MUC4: variants seen among roughly 807,000 people sequenced by gnomAD.
MUC4 encodes the protein mucin-4.
MUC4 carries 202 observed loss-of-function variants against 257.9 expected under a neutral mutation model. That is an observed-to-expected ratio of 0.78 (90% CI 0.70 to 0.88). MUC4 has a LOEUF of 0.88. Ranked by LOEUF, MUC4 falls within the 40% of genes least tolerant of loss-of-function variation. The pLI is 0.00. For synonymous variants in MUC4, 2,351 were observed against 2,757.1 expected (o/e 0.85, Z 4.62); for missense variants, 5,976 against 6,513.7 (o/e 0.92, Z 2.84).
At position 195,789,260 on chromosome 3, in the gene MUC4, G is replaced by C. The variant is rs773746923; in HGVS notation, c.2320C>G (p.His774Asp). ...PDTAAAMTHT[H>D]QAESTEASGQ... is the part of the protein sequence containing the mutation. ...GAGGCCTCTGTGCTCTCAGCCTGGT[G>C]GGTATGGGTCATGGCTGCTGCTGTG... Residue 774 changes from histidine (H) to aspartate (D), a missense_variant, in exon 2 of 25, where the codon CAC becomes GAC. This residue lies in a region of MUC4 where 1,583 missense variants were observed against 1,257.4 expected (regional missense o/e 1.26). Coordinates refer to ENST00000463781, the MANE Select transcript of MUC4 (RefSeq NM_018406.7). 49 of 1,613,920 alleles carry C rather than the reference G, an allele frequency of 3.0e-5. 1 individual carries two copies. The Admixed American group carries it at 8.0e-4, about 26-fold the overall frequency.
At chr3:195,808,274 G>T (rs1736239833) in intron 1 of MUC4, among the ~76,000 whole-genome samples, 1 of 151,816 alleles carries the variant, frequency 6.6e-6, no homozygotes, top group South Asian at 2.1e-4. Flanking sequence ...AAGCTAGAGT[G>T]CTGCCATTTC....
At chr3:195,763,717 GC>G in intron 11 of MUC4, 76 bp from the exon 12 acceptor site, 2 of 1,351,800 alleles carry the variant, frequency 1.5e-6, no homozygotes, top group Middle Eastern at 2.1e-4. Context: ...GCAGTCAGGT[GC>G]GGCACTTGTC....
At position 195,762,073 on chromosome 3, in the gene MUC4, C is replaced by T. The variant is rs370069911; in HGVS notation, c.14512+14G>A. ...CTCCGCGGAGCCTCAGAGGCAGGTC[C>T]GAGCCGCCCTCACCCAGGAGCCCCT... On this transcript the variant is annotated intron_variant, in intron 14 of 24. Transcript: ENST00000463781. The T allele has an allele frequency of 1.3e-6, 2 of 1,575,192 alleles. No individual in the cohort carries two copies. Among genetic ancestry groups the T allele is most frequent in the South Asian group, 1.2e-5 (1 of 86,694 alleles).
intron 21 of MUC4, chr3:195,751,506 C>A (rs114120044): frequency 2.7e-5 from 16 of 594,154 alleles, no homozygotes; most frequent in Admixed American, 2.7e-4. Flanking sequence ...TCTGTCCCCC[C>A]CTCAGCCTCA....
chr3:195,767,448 CACCACCACCAACACT>C (rs1182190536), intron 7 of MUC4, among the ~76,000 whole-genome samples: 101 of 148,514 alleles, frequency 6.8e-4, no homozygotes, highest in Non-Finnish European at 1.1e-3. Context: ...CCATCACCAC[CACCACCACCAACACT>C]ACCACCACCA....
chr3:195,761,505 G>T lies in MUC4; in HGVS notation c.14593C>A (p.Leu4865Ile). The T allele has an allele frequency of 6.2e-7, 1 of 1,614,024 alleles. No individual in the cohort carries two copies. Among genetic ancestry groups the T allele is most frequent in the Non-Finnish European group, 8.5e-7 (1 of 1,179,864 alleles). ...TCACAGGTCATTCCAAAGTGGAAAA[G>T]CATCTCCTCAGGGCTCCCTGGGGGA... ...TIPPGSPEEM[L>I]FHFGMTWQIN... is the part of the protein sequence containing the mutation. The change falls in exon 15 of 25, where the codon CTT becomes ATT. Residue 4865 changes from leucine (L) to isoleucine (I), a missense_variant. By Grantham distance (5) the Leu-to-Ile change is conservative. Around this residue, in one of 44 missense-constraint regions of MUC4, gnomAD observed 996 missense variants for 1,137.3 expected, o/e 0.88. Coordinates refer to ENST00000463781, the MANE Select transcript of MUC4 (RefSeq NM_018406.7).
chr3:195,752,264 A>C (rs1716592565), intron 21 of MUC4, 109 bp downstream of exon 21: 6 of 1,047,616 alleles, frequency 5.7e-6, no homozygotes, highest in Non-Finnish European at 8.8e-6. Context: ...CTCCTCTGGC[A>C]GTTGAATCCA....
rs147095907 is a variant in MUC4 at position 195,790,817 on chromosome 3, T to C, written c.763A>G (p.Asn255Asp). ...TTCTCTGATGTCATCATGGATGTGT[T>C]TGTGACACTACAGAGGGATGAGGTA... Reference protein sequence around the residue: ...TATSSLCSVTNTSMMTSEKIT... With the variant: ...TATSSLCSVTDTSMMTSEKIT... Residue 255 changes from asparagine (N) to aspartate (D), a missense_variant, in exon 2 of 25, where the codon AAC (asparagine) becomes GAC (aspartate). By Grantham distance (23) the Asn-to-Asp change is conservative. Around this residue, in one of 44 missense-constraint regions of MUC4, gnomAD observed 1,583 missense variants for 1,257.4 expected, o/e 1.26. Coordinates refer to ENST00000463781, the MANE Select transcript of MUC4 (RefSeq NM_018406.7). 9.3e-6 allele frequency: 15 copies of C among 1,613,860 alleles called. No individual in the cohort carries two copies. The African/African-American group carries it at 1.7e-4, about 19-fold the overall frequency.
intron 13 of MUC4, 103 bp from the exon 14 acceptor site, chr3:195,762,357 G>A: frequency 7.7e-7 from 1 of 1,293,278 alleles, no homozygotes; most frequent in African/African-American, 1.5e-5. Context: ...CGCCCCTGGG[G>A]CTGAAGCCGG....
At chr3:195,770,758 G>T in intron 5 of MUC4, 1 of 431,956 alleles carries the variant, frequency 2.3e-6, no homozygotes, top group Non-Finnish European at 4.7e-6. Flanking sequence ...CCTGTCCGTG[G>T]CAGGGGCACG....
chr3:195,778,685 C>A (rs1463221506), intron 2 of MUC4, 105 bp downstream of exon 2: 45 of 1,363,738 alleles, frequency 3.3e-5, no homozygotes, highest in Non-Finnish European at 4.1e-5. Context: ...CCTGACACGG[C>A]CCCACCAGGT....
intron 8 of MUC4, among the ~76,000 whole-genome samples, 200 bp from the exon 9 acceptor site, chr3:195,765,649 G>A (rs1560256100): frequency 6.6e-6 from 1 of 152,204 alleles, no homozygotes; most frequent in Non-Finnish European, 1.5e-5. Context: ...ACCAAACGTG[G>A]TTGCCACAGA....
intron 23 of MUC4, chr3:195,750,076 C>G (rs1265073558): frequency 2.0e-5 from 3 of 152,276 alleles, no homozygotes; most frequent in Non-Finnish European, 4.4e-5. Flanking sequence ...GGGAGAAGCT[C>G]TTGCTTGGTC....
At chr3:195,772,884 A>G (rs1364598552) in intron 4 of MUC4, among the ~76,000 whole-genome samples, 9 of 76,866 alleles carry the variant, frequency 1.2e-4, no homozygotes, top group South Asian at 4.6e-4. Flanking sequence ...GCTCAGGGCT[A>G]TAGACACCCT....
chr3:195,767,900 ACCACCATCACCATCG>A (rs1721853987), intron 7 of MUC4, among the ~76,000 whole-genome samples: 3 of 132,360 alleles, frequency 2.3e-5, no homozygotes, highest in African/African-American at 1.2e-4. Context: ...CACCACCATC[ACCACCATCACCATCG>A]CCACTGCCAC....
intron 1 of MUC4, among the ~76,000 whole-genome samples, chr3:195,800,055 A>G (rs1735098872): frequency 6.6e-6 from 1 of 152,112 alleles, no homozygotes; most frequent in African/African-American, 2.4e-5. Context: ...AAGCGGGTGG[A>G]TCATTTGAGG....
chr3:195,790,024 C>A lies in MUC4; in HGVS notation c.1556G>T (p.Gly519Val). The A allele has an allele frequency of 6.2e-7, 1 of 1,613,990 alleles. No homozygotes were observed. Among genetic ancestry groups the A allele is most frequent in the Non-Finnish European group, 8.5e-7 (1 of 1,179,884 alleles). ...GCCAGCTGTCCCTGTAGATGGATTT[C>A]CTGTGACAAGCCTAGTGGCAGCACC... ...STGAATRLVT[G>V]NPSTGTAGTI... The change falls in exon 2 of 25, where the codon GGA becomes GTA. Residue 519 changes from glycine to valine, a missense_variant. Gly to Val is a moderately radical substitution (Grantham distance 109, BLOSUM62 -3). Transcript: ENST00000463781.
At position 195,788,389 on chromosome 3, in the gene MUC4, G is replaced by T; in HGVS notation, c.3191C>A (p.Ser1064Ter). ...STPLPVTDTS[S>*]ASTGHVTPLP... Reference sequence around the variant, plus strand: ...AGGGGTGACGTGACCTGTGGATGCTGAGGAAGTGTCAGTGACAGGAAGAGG... The same window carrying T: ...AGGGGTGACGTGACCTGTGGATGCTTAGGAAGTGTCAGTGACAGGAAGAGG... The change falls in exon 2 of 25, where the codon TCA becomes TAA. Residue 1064 changes from serine to a stop codon, truncating the protein, a stop_gained. Coordinates refer to ENST00000463781, the MANE Select transcript of MUC4 (RefSeq NM_018406.7). LOFTEE classifies it high-confidence loss of function. The T allele has an allele frequency of 6.7e-7, 1 of 1,487,574 alleles. No homozygotes were observed. The highest frequency in any genetic ancestry group is 9.1e-7 in the Non-Finnish European group (1 of 1,099,766). 92.1% of individuals were successfully genotyped at this position (1,487,574 alleles called of 1,614,324 possible). A position where few individuals can be genotyped will look rare whatever the true frequency, so the allele number is the denominator to read the frequency against.
In MUC4 at chr3:195,764,985, G is replaced by T; in HGVS notation, c.13924+12C>A. The T allele has an allele frequency of 6.2e-7, 1 of 1,612,576 alleles. No homozygotes were observed. The highest frequency in any genetic ancestry group is 8.5e-7 in the Non-Finnish European group (1 of 1,179,206). Reference sequence around the variant, plus strand: ...GCCGGGAAGGTGGGGTTGAGATCACGGACTCACGCACCCAACTGCCAAGGA... The same window carrying T: ...GCCGGGAAGGTGGGGTTGAGATCACTGACTCACGCACCCAACTGCCAAGGA... On this transcript the variant is annotated intron_variant, in intron 10 of 24. Transcript: ENST00000463781.
Sources: gnomAD v4.1 joint callset for allele counts (sites outside exome capture counted in the v4.1 genomes callset) on GRCh38, gnomAD v4.1.1 for gene constraint, gnomAD v4.1.1 regional missense constraint, MANE v1.5 for transcripts, NCBI Gene and HGNC (gene_info 2026-07-23, HGNC 2026-07-21) for gene names.